The following PCLO variants were observed in gnomAD, a reference collection of about 807,000 sequenced individuals.
PCLO encodes protein piccolo.
A neutral mutation model predicts 427.5 loss-of-function variants in PCLO; 82 were observed. The ratio of observed to expected loss-of-function variants is 0.19; its 90% CI spans 0.16 to 0.23. The LOEUF (loss-of-function observed/expected upper bound fraction) is 0.23, where lower values mean the gene tolerates loss of function less well. Ranked by LOEUF, PCLO falls within the 10% of genes least tolerant of loss-of-function variation. The pLI is 1.00. For synonymous variants in PCLO, 2,357 were observed against 2,155.4 expected, an observed-to-expected ratio of 1.09 and a Z score of -2.59; for missense variants, 6,239 against 6,115.9, an observed-to-expected ratio of 1.02 and a Z score of -0.67.
intron 20 of PCLO, among the ~76,000 whole-genome samples, chr7:82,812,536 G>C (rs985713248): frequency 1.3e-5 from 2 of 151,306 alleles, no homozygotes; most frequent in African/African-American, 2.4e-5. Flanking sequence ...ATGAAAGAAA[G>C]TTTGACTAAG....
intron 3 of PCLO, among the ~76,000 whole-genome samples, chr7:83,079,624 G>A (rs1791298042): frequency 6.6e-6 from 1 of 152,008 alleles, no homozygotes; most frequent in Admixed American, 6.6e-5. Flanking sequence ...TTTTGTTGGT[G>A]GCTGTGACTG....
At chr7:82,922,590 G>A (rs1794622792) in intron 6 of PCLO, among the ~76,000 whole-genome samples, 1 of 151,968 alleles carries the variant, frequency 6.6e-6, no homozygotes, top group African/African-American at 2.4e-5. Flanking sequence ...TCTGAGGGTG[G>A]AGAGTGGGAG....
chr7:82,884,953 T>C (rs1413301766), intron 9 of PCLO, among the ~76,000 whole-genome samples: 1 of 152,118 alleles, frequency 6.6e-6, no homozygotes, highest in East Asian at 1.9e-4. Flanking sequence ...GGAAGAAAAA[T>C]ACTATTCTAA....
At chr7:82,947,368 CCTT>C (rs1795227838) in intron 6 of PCLO, among the ~76,000 whole-genome samples, 1 of 152,074 alleles carries the variant, frequency 6.6e-6, no homozygotes, top group Non-Finnish European at 1.5e-5. Context: ...ACTGAGCTAG[CCTT>C]CTTAAATTCA....
chr7:82,831,957 T>A (rs906735951), intron 16 of PCLO, among the ~76,000 whole-genome samples: 2 of 152,188 alleles, frequency 1.3e-5, no homozygotes, highest in Middle Eastern at 3.4e-3. Context: ...TCAAAATCTG[T>A]GGAGTTGAAG....
chr7:82,882,767 A>C (rs1793539079), intron 9 of PCLO, among the ~76,000 whole-genome samples: 1 of 152,130 alleles, frequency 6.6e-6, no homozygotes, highest in African/African-American at 2.4e-5. Flanking sequence ...GTATTTGATA[A>C]ATATGCTACT....
In PCLO at chr7:82,924,663, A is replaced by C. The variant is rs182575746; in HGVS notation, c.11113-7790T>G. On this transcript the variant is annotated intron_variant, in intron 6 of 24. Coordinates refer to ENST00000333891, the MANE Select transcript of PCLO (RefSeq NM_033026.6). ...AGTTTATAAGAAGGATCAATGATGT[A>C]ATTAAAAAGAGATTAAAACTTTAAA... Among the ~76,000 whole-genome samples the C allele has an allele frequency of 1.6e-4, 24 of 152,228 alleles. 1 individual carries two copies. The East Asian group carries it at 4.2e-3, about 27-fold the overall frequency.
chr7:82,796,290 T>G (rs1016310095), intron 22 of PCLO, among the ~76,000 whole-genome samples: 11 of 152,130 alleles, frequency 7.2e-5, no homozygotes, highest in Admixed American at 1.3e-4. Flanking sequence ...TGACACTGGA[T>G]TTTAGATTCA....
chr7:83,012,257 A>G (rs1006320087), intron 3 of PCLO, among the ~76,000 whole-genome samples: 1 of 152,154 alleles, frequency 6.6e-6, no homozygotes, highest in African/African-American at 2.4e-5. Context: ...GGGGGAAGTT[A>G]CTACTGAGTT....
At chr7:82,811,619 G>A (rs1791573972) in intron 20 of PCLO, among the ~76,000 whole-genome samples, 1 of 151,516 alleles carries the variant, frequency 6.6e-6, no homozygotes, top group Non-Finnish European at 1.5e-5. Flanking sequence ...AGTTTAAGAA[G>A]AGGTACTGCA....
intron 6 of PCLO, among the ~76,000 whole-genome samples, chr7:82,938,225 A>G (rs1168841955): frequency 6.6e-6 from 1 of 151,956 alleles, no homozygotes; most frequent in Admixed American, 6.6e-5. Context: ...TTGACATTTC[A>G]TTGTTGTAAA....
At chr7:82,901,550 G>A (rs949014658) in intron 9 of PCLO, among the ~76,000 whole-genome samples, 8 of 151,942 alleles carry the variant, frequency 5.3e-5, no homozygotes, top group Non-Finnish European at 8.8e-5. Flanking sequence ...AAAAGCAATG[G>A]CAACAAAAGC....
intron 3 of PCLO, among the ~76,000 whole-genome samples, chr7:83,059,492 A>C (rs564867200): frequency 6.6e-6 from 1 of 151,518 alleles, no homozygotes; most frequent in East Asian, 1.9e-4. Flanking sequence ...TCACAAAAAT[A>C]AAAATCATGA....
At chr7:82,906,006 T>TATAGATAGATAGATAG (rs35608595) in intron 8 of PCLO, among the ~76,000 whole-genome samples, 59 of 146,734 alleles carry the variant, frequency 4.0e-4, no homozygotes, top group South Asian at 8.8e-4. Flanking sequence ...AGGTTAAGCA[T>TATAGATAGATAGATAG]ATAGATAGAT....
intron 8 of PCLO, 53 bp from the exon 9 acceptor site, chr7:82,902,794 G>A: frequency 2.4e-6 from 2 of 842,332 alleles, no homozygotes; most frequent in Non-Finnish European, 4.1e-6. Context: ...CACTTAAAGT[G>A]CAATATACAT....
chr7:82,788,239 T>G (rs939535394), intron 22 of PCLO, among the ~76,000 whole-genome samples: 38 of 147,582 alleles, frequency 2.6e-4, no homozygotes, highest in Non-Finnish European at 5.1e-4. Context: ...AATATATAAT[T>G]TATATATAAT....
chr7:82,788,325 A>T (rs993352840), intron 22 of PCLO, among the ~76,000 whole-genome samples: 8 of 149,312 alleles, frequency 5.4e-5, no homozygotes, highest in African/African-American at 2.0e-4. Flanking sequence ...AATCTGATTT[A>T]AAAAGCATTA....
At position 83,047,584 on chromosome 7, in the gene PCLO, T is replaced by C. The variant is rs181584688; in HGVS notation, c.3301-81097A>G. On this transcript the variant is annotated intron_variant, in intron 3 of 24. Transcript: ENST00000333891. ...GAAGACTGCTATAAAGAACCCACAATATGTATATATGTATCTTTACAATCT... is the reference window on the plus strand; with the variant it reads ...GAAGACTGCTATAAAGAACCCACAACATGTATATATGTATCTTTACAATCT... 5.9e-5 allele frequency among the ~76,000 whole-genome samples: 9 copies of C among 152,096 alleles called. No individual in the cohort carries two copies. In the East Asian group the frequency reaches 1.7e-3, roughly 29 times the overall value.
At chr7:82,963,465 A>AT in intron 4 of PCLO, among the ~76,000 whole-genome samples, 1 of 152,088 alleles carries the variant, frequency 6.6e-6, no homozygotes, top group South Asian at 2.1e-4. Flanking sequence ...TTAAAAAAAA[A>AT]GGTAGCAATA....
Sources: gnomAD v4.1 joint callset for allele counts (sites outside exome capture counted in the v4.1 genomes callset) on GRCh38, gnomAD v4.1.1 for gene constraint, MANE v1.5 for transcripts, NCBI Gene and HGNC (gene_info 2026-07-23, HGNC 2026-07-21) for gene names.